PSMA1: variants seen among roughly 807,000 people sequenced by gnomAD.
PSMA1 encodes the protein proteasome 20S subunit alpha 1, also known as proteasome subunit alpha type-1.
A neutral mutation model predicts 38.4 loss-of-function variants in PSMA1; 3 were observed. The observed-to-expected ratio is 0.08, with a 90% confidence interval of 0.04 to 0.20. PSMA1 has a LOEUF of 0.20. Ranked by LOEUF, PSMA1 falls within the 10% of genes least tolerant of loss-of-function variation. PSMA1 has a pLI of 1.00. For missense variants in PSMA1, 227 were observed against 325.3 expected (o/e 0.70, Z 2.32); for synonymous variants, 101 against 107.1 (o/e 0.94, Z 0.35).
At chr11:14,507,436 G>A (rs1291982678) in intron 9 of PSMA1, among the ~76,000 whole-genome samples, 2 of 152,126 alleles carry the variant, frequency 1.3e-5, no homozygotes, top group African/African-American at 4.8e-5. Context: ...AAAGTGCTGG[G>A]ATTACAGGCA....
At chr11:14,544,528 A>AT (rs1851805753) in intron 2 of PSMA1, among the ~76,000 whole-genome samples, 1 of 152,210 alleles carries the variant, frequency 6.6e-6, no homozygotes, top group African/African-American at 2.4e-5. Flanking sequence ...TATTAAATAG[A>AT]TATTTCTCTA....
intron 2 of PSMA1, among the ~76,000 whole-genome samples, chr11:14,556,980 T>TGCATA (rs1210843150): frequency 2.0e-5 from 3 of 152,100 alleles, no homozygotes; most frequent in African/African-American, 7.2e-5. Context: ...GAACTACAGG[T>TGCATA]GCATACCCAG....
At chr11:14,619,328 G>A (rs1852813019) in intron 1 of PSMA1, among the ~76,000 whole-genome samples, 1 of 151,888 alleles carries the variant, frequency 6.6e-6, no homozygotes, top group Non-Finnish European at 1.5e-5. Context: ...GCACACCTGT[G>A]GTCCCAGCTA....
At chr11:14,561,439 G>A (rs539139054) in intron 2 of PSMA1, among the ~76,000 whole-genome samples, 1 of 152,314 alleles carries the variant, frequency 6.6e-6, no homozygotes, top group South Asian at 2.1e-4. Flanking sequence ...TCTATTTCCT[G>A]TAACTACAAC....
intron 1 of PSMA1, among the ~76,000 whole-genome samples, chr11:14,635,391 T>C (rs116313865): frequency 3.2e-4 from 48 of 152,332 alleles, no homozygotes; most frequent in African/African-American, 9.9e-4. Flanking sequence ...CAGACCATGC[T>C]AGAGAGTTGT....
intron 1 of PSMA1, among the ~76,000 whole-genome samples, chr11:14,615,957 A>C (rs1352795882): frequency 2.0e-5 from 3 of 152,180 alleles, no homozygotes; most frequent in Non-Finnish European, 4.4e-5. Flanking sequence ...TAGAATGTGC[A>C]GATAACCTGA....
intron 1 of PSMA1, among the ~76,000 whole-genome samples, chr11:14,624,761 A>G (rs529691484): frequency 6.6e-5 from 10 of 152,260 alleles, no homozygotes; most frequent in African/African-American, 2.4e-4. Flanking sequence ...TATGTCATCT[A>G]CTTGGAAGCC....
intron 2 of PSMA1, among the ~76,000 whole-genome samples, chr11:14,587,652 A>C (rs752531766): frequency 6.6e-6 from 1 of 151,322 alleles, no homozygotes; most frequent in Non-Finnish European, 1.5e-5. Context: ...GAAAGAGCAC[A>C]GGCTTGGAAA....
At chr11:14,546,132 T>TTC (rs556789029) in intron 2 of PSMA1, among the ~76,000 whole-genome samples, 23 of 150,056 alleles carry the variant, frequency 1.5e-4, no homozygotes, top group South Asian at 8.6e-4. Context: ...AATTCTACCT[T>TTC]TCTCTCTCTC....
In PSMA1 at chr11:14,629,084, T is replaced by C. The variant is rs932468010; in HGVS notation, c.-166+14371A>G. On this transcript the variant is annotated intron_variant, in intron 1 of 10. Transcript: ENST00000418988. ...GGATATTAGCCCTTTGTCAGATGAGTAGGTTGCGAAAATTTTCTCCCATTT... is the reference window on the plus strand; with the variant it reads ...GGATATTAGCCCTTTGTCAGATGAGCAGGTTGCGAAAATTTTCTCCCATTT... Among the ~76,000 whole-genome samples, 255 of 152,154 alleles carry C rather than the reference T, an allele frequency of 1.7e-3. 1 individual carries two copies. The highest frequency in any genetic ancestry group is 1.1e-3 in the Non-Finnish European group (76 of 67,984).
At chr11:14,616,081 C>T (rs1852769064) in intron 1 of PSMA1, among the ~76,000 whole-genome samples, 1 of 152,100 alleles carries the variant, frequency 6.6e-6, no homozygotes, top group Non-Finnish European at 1.5e-5. Flanking sequence ...AGATGCTTGG[C>T]CTGGCATCTG....
chr11:14,577,007 G>T (rs140957778), intron 2 of PSMA1, among the ~76,000 whole-genome samples: 2,383 of 152,254 alleles, frequency 0.016, 55 homozygotes, highest in African/African-American at 0.054. Flanking sequence ...TCCCTTGTAA[G>T]TTGGATTCCT....
intron 2 of PSMA1, among the ~76,000 whole-genome samples, chr11:14,592,394 ATTTT>A (rs757886405): frequency 3.6e-5 from 5 of 138,146 alleles, no homozygotes; most frequent in South Asian, 4.5e-4. Context: ...ATATATATAT[ATTTT>A]TTTTTTAGAT....
chr11:14,539,410 C>G (rs1249279074), intron 2 of PSMA1, among the ~76,000 whole-genome samples: 1 of 152,000 alleles, frequency 6.6e-6, no homozygotes, highest in African/African-American at 2.4e-5. Context: ...GTCCTGGCTT[C>G]CAGATCAGAC....
chr11:14,615,605 A>G (rs1852762437), intron 1 of PSMA1, among the ~76,000 whole-genome samples: 1 of 152,006 alleles, frequency 6.6e-6, no homozygotes, highest in African/African-American at 2.4e-5. Context: ...TGTAGGAGCA[A>G]TTTTCACTGT....
At chr11:14,550,356 A>G (rs1425041709) in intron 2 of PSMA1, among the ~76,000 whole-genome samples, 1 of 152,228 alleles carries the variant, frequency 6.6e-6, no homozygotes, top group Non-Finnish European at 1.5e-5. Flanking sequence ...GTGATCTTTA[A>G]AAAACTTCAG....
intron 2 of PSMA1, among the ~76,000 whole-genome samples, chr11:14,563,115 G>A (rs1311564807): frequency 6.6e-6 from 1 of 152,068 alleles, no homozygotes; most frequent in East Asian, 1.9e-4. Context: ...GTATTTAATG[G>A]GGATTTAGAA....
chr11:14,569,321 C>T (rs935654995), intron 2 of PSMA1, among the ~76,000 whole-genome samples: 1 of 152,132 alleles, frequency 6.6e-6, no homozygotes, highest in Non-Finnish European at 1.5e-5. Context: ...GGGTGATTTC[C>T]GTATTTCCAA....
At chr11:14,628,464 A>G (rs1035865057) in intron 1 of PSMA1, among the ~76,000 whole-genome samples, 7 of 149,874 alleles carry the variant, frequency 4.7e-5, no homozygotes, top group African/African-American at 7.4e-5. Flanking sequence ...ATGATTTCCA[A>G]TTTCATCCAT....
Sources: gnomAD v4.1 joint callset for allele counts (sites outside exome capture counted in the v4.1 genomes callset) on GRCh38, gnomAD v4.1.1 for gene constraint, MANE v1.5 for transcripts, NCBI Gene and HGNC (gene_info 2026-07-23, HGNC 2026-07-21) for gene names.